The following GRIK4 variants were observed in gnomAD, a reference collection of about 807,000 sequenced individuals.
GRIK4 encodes glutamate receptor ionotropic, kainate 4.
A neutral mutation model predicts 104.9 loss-of-function variants in GRIK4; 40 were observed. The ratio of observed to expected loss-of-function variants is 0.38; its 90% CI spans 0.30 to 0.50. GRIK4 has a LOEUF of 0.50. Ranked by LOEUF, GRIK4 falls within the 20% of genes least tolerant of loss-of-function variation. The pLI, the probability that GRIK4 is intolerant of heterozygous loss-of-function variation, is 0.93. For synonymous variants in GRIK4, 485 were observed against 524.9 expected, an observed-to-expected ratio of 0.92 and a Z score of 1.04; for missense variants, 1,047 against 1,308.1, an observed-to-expected ratio of 0.80 and a Z score of 3.08.
chr11:120,793,856 T>G (rs1248932845), intron 3 of GRIK4, among the ~76,000 whole-genome samples: 1 of 148,798 alleles, frequency 6.7e-6, no homozygotes, highest in East Asian at 2.0e-4. Context: ...AAGGGCAGTG[T>G]TAGGGCTGAG....
At position 120,905,178 on chromosome 11, in the gene GRIK4, C is replaced by G. The variant is rs1942838317; in HGVS notation, c.1273-112C>G. On this transcript the variant is annotated intron_variant, in intron 12 of 20. Coordinates refer to ENST00000527524, the MANE Select transcript of GRIK4 (RefSeq NM_014619.5). This position sits in a 1 kb window ranked among gnomAD's most constrained non-coding sequence, Gnocchi z 5.1. Reference sequence around the variant, plus strand: ...GTAGCCCATTACCCACGTCAGTTTCCTCCTTCTGCCCCATGTCCTCCCCGA... The same window carrying G: ...GTAGCCCATTACCCACGTCAGTTTCGTCCTTCTGCCCCATGTCCTCCCCGA... The G allele has an allele frequency of 1.3e-6, 1 of 780,098 alleles. No homozygotes were observed. The highest frequency in any genetic ancestry group is 1.7e-5 in the African/African-American group (1 of 59,324). The allele number at this position is 780,098 out of a possible 1,614,324, so 48.3% of individuals were successfully genotyped here. A position where few individuals can be genotyped will look rare whatever the true frequency, so the allele number is the denominator to read the frequency against.
At chr11:120,622,179 G>A (rs976708077) in intron 1 of GRIK4, among the ~76,000 whole-genome samples, 6 of 152,112 alleles carry the variant, frequency 3.9e-5, no homozygotes, top group African/African-American at 1.4e-4. Context: ...GGGATTACAG[G>A]CGTGAAGCAC....
At chr11:120,588,047 T>C (rs572261342) in intron 1 of GRIK4, among the ~76,000 whole-genome samples, 49 of 152,270 alleles carry the variant, frequency 3.2e-4, no homozygotes, top group African/African-American at 1.1e-3. Context: ...CACTCCAGAC[T>C]GTGAGCTGTG....
intron 1 of GRIK4, among the ~76,000 whole-genome samples, chr11:120,518,843 T>G (rs1947761271): frequency 1.3e-5 from 2 of 152,158 alleles, no homozygotes; most frequent in Admixed American, 6.5e-5. Flanking sequence ...GGTCTCAAAC[T>G]CGTGACCTCA....
At chr11:120,761,189 T>C in intron 3 of GRIK4, among the ~76,000 whole-genome samples, 1 of 152,232 alleles carries the variant, frequency 6.6e-6, no homozygotes, top group East Asian at 1.9e-4. Flanking sequence ...TGAATTTCTC[T>C]AATGACCAGT....
At chr11:120,855,244 C>T (rs1954073208) in intron 8 of GRIK4, among the ~76,000 whole-genome samples, 1 of 152,208 alleles carries the variant, frequency 6.6e-6, no homozygotes, top group Admixed American at 6.5e-5. Flanking sequence ...TCTGAGCCAT[C>T]TTAGCCACAC....
chr11:120,552,526 C>T (rs1037226681), intron 1 of GRIK4, among the ~76,000 whole-genome samples: 1 of 152,102 alleles, frequency 6.6e-6, no homozygotes, highest in African/African-American at 2.4e-5. Context: ...TTTACTGCGT[C>T]TGTAGGGAGG....
At chr11:120,864,205 TTTTATTTATTTATTTATTTATTTA>T (rs140150638) in intron 9 of GRIK4, among the ~76,000 whole-genome samples, 8 of 137,720 alleles carry the variant, frequency 5.8e-5, no homozygotes, top group Admixed American at 2.2e-4. Flanking sequence ...GTATTTTTAT[TTTTATTTATTTATTTATTTATTTA>T]TTTATTTATT....
At chr11:120,787,246 T>C (rs1952298551) in intron 3 of GRIK4, among the ~76,000 whole-genome samples, 1 of 151,908 alleles carries the variant, frequency 6.6e-6, no homozygotes, top group Admixed American at 6.6e-5. Context: ...GGAAGATCGC[T>C]TGAGCCCGGG....
intron 4 of GRIK4, among the ~76,000 whole-genome samples, chr11:120,808,257 C>G (rs1952756929): frequency 6.6e-6 from 1 of 152,154 alleles, no homozygotes; most frequent in Non-Finnish European, 1.5e-5. Context: ...GGGCTTCTCT[C>G]CTATGTCTCA....
chr11:120,545,805 C>T (rs974215162), intron 1 of GRIK4, among the ~76,000 whole-genome samples: 1 of 152,174 alleles, frequency 6.6e-6, no homozygotes, highest in Non-Finnish European at 1.5e-5. Context: ...CTTTGGATAA[C>T]AACACCTAGA....
chr11:120,572,065 G>A (rs1172134562), intron 1 of GRIK4, among the ~76,000 whole-genome samples: 1 of 152,148 alleles, frequency 6.6e-6, no homozygotes, highest in East Asian at 1.9e-4. Flanking sequence ...TCAAGATGCC[G>A]GCGGATCCAG....
chr11:120,885,805 A>G (rs1438319130), intron 11 of GRIK4, among the ~76,000 whole-genome samples: 2 of 152,208 alleles, frequency 1.3e-5, no homozygotes, highest in Non-Finnish European at 2.9e-5. Flanking sequence ...TGGGAAGTCT[A>G]TTAAGTTCAT....
chr11:120,869,793 A>G (rs1954546790), intron 9 of GRIK4: 1 of 152,504 alleles, frequency 6.6e-6, no homozygotes, highest in Non-Finnish European at 1.5e-5. Context: ...TGGTGCAACA[A>G]TGCCTCTGAG....
intron 1 of GRIK4, among the ~76,000 whole-genome samples, chr11:120,633,129 TA>T (rs1442976247): frequency 2.0e-5 from 3 of 151,796 alleles, no homozygotes. Flanking sequence ...TGCAGAAGAG[TA>T]GAGTCAACCA....
chr11:120,907,269 G>A (rs2134514334), intron 13 of GRIK4, among the ~76,000 whole-genome samples: 1 of 152,170 alleles, frequency 6.6e-6, no homozygotes, highest in African/African-American at 2.4e-5. Context: ...TGGTCTCCTT[G>A]GGCTGCCTGA....
intron 3 of GRIK4, among the ~76,000 whole-genome samples, chr11:120,688,110 A>G (rs1194750658): frequency 6.6e-6 from 1 of 152,062 alleles, no homozygotes; most frequent in Non-Finnish European, 1.5e-5. Context: ...TCAGCCTCTC[A>G]TCCTGGGCCT....
chr11:120,694,072 T>A (rs928177749), intron 3 of GRIK4, among the ~76,000 whole-genome samples: 2 of 152,152 alleles, frequency 1.3e-5, no homozygotes, highest in African/African-American at 4.8e-5. Context: ...GGGCAGATGG[T>A]GAGCTTGGGT....
chr11:120,864,461 C>T (rs891278868), intron 9 of GRIK4, among the ~76,000 whole-genome samples: 7 of 151,980 alleles, frequency 4.6e-5, no homozygotes, highest in Non-Finnish European at 7.4e-5. Context: ...AGGAGTGTCT[C>T]GATCTCCTGA....
Sources: allele counts gnomAD v4.1 joint callset (sites outside exome capture counted in the v4.1 genomes callset), GRCh38; gene constraint gnomAD v4.1.1; non-coding constraint Gnocchi (gnomAD v3.1); transcripts MANE v1.5; gene names NCBI Gene and HGNC (gene_info 2026-07-23, HGNC 2026-07-21).